PCDHA2: variants seen among roughly 807,000 people sequenced by gnomAD.
The protein encoded by PCDHA2 is protocadherin alpha 2.
Under a neutral mutation model 66.0 loss-of-function variants are expected in PCDHA2, and 58 were observed. The ratio of observed to expected loss-of-function variants is 0.88; its 90% CI spans 0.71 to 1.09. The LOEUF is 1.09. Among genes scored for constraint, PCDHA2 ranks in the 50% least tolerant of loss-of-function variants. PCDHA2 has a pLI of 0.00. For synonymous variants in PCDHA2, 634 were observed against 554.0 expected (o/e 1.14, Z -2.03); for missense variants, 1,267 against 1,242.3 (o/e 1.02, Z -0.30).
intron 1 of PCDHA2, chr5:140,805,037 A>T: frequency 1.3e-6 from 2 of 1,585,878 alleles, no homozygotes; most frequent in Non-Finnish European, 1.7e-6. Context: ...TAATAGAGTC[A>T]GCCAAAGTAC....
At chr5:140,860,913 A>G (rs1423371903) in intron 1 of PCDHA2, 5 of 152,086 alleles carry the variant, frequency 3.3e-5, no homozygotes, top group African/African-American at 9.7e-5. Flanking sequence ...AATTTTTTGT[A>G]TTTTTAGTAG....
rs1261636098 is a variant in PCDHA2, at chr5:140,968,913, C to G, written c.2389-10036C>G. 6.8e-6 allele frequency: 11 copies of G among 1,614,036 alleles called. No homozygotes were observed. Among genetic ancestry groups the G allele is most frequent in the Non-Finnish European group, 8.5e-6 (10 of 1,180,044 alleles). On this transcript the variant is annotated intron_variant, in intron 1 of 3. Transcript: ENST00000526136. ...CTAATAATAGCATTAAGCACAGTGT[C>G]TTTTATATTTCTTTTGACAATCATC...
At chr5:140,841,400 G>C (rs1777194245) in intron 1 of PCDHA2, 1 of 1,613,096 alleles carries the variant, frequency 6.2e-7, no homozygotes, top group Admixed American at 1.7e-5. Context: ...CTGGAAGGTG[G>C]GGAGCGGCCA....
intron 1 of PCDHA2, among the ~76,000 whole-genome samples, chr5:140,821,121 T>A (rs944818649): frequency 6.6e-6 from 1 of 152,124 alleles, no homozygotes; most frequent in Admixed American, 6.5e-5. Context: ...ACAGTGAAAT[T>A]GGAATAAAAA....
intron 1 of PCDHA2, among the ~76,000 whole-genome samples, chr5:140,855,023 G>C (rs115040572): frequency 0.046 from 6,867 of 149,598 alleles, 637 homozygotes; most frequent in Middle Eastern, 0.088. Context: ...GAAACTTCTT[G>C]TATAAAGGAT....
At chr5:140,857,246 T>C in intron 1 of PCDHA2, 1 of 1,598,642 alleles carries the variant, frequency 6.3e-7, no homozygotes, top group Non-Finnish European at 8.6e-7. Context: ...GGTGTCCACC[T>C]ACAAGAATTA....
chr5:140,805,582 C>A, intron 1 of PCDHA2: 1 of 941,436 alleles, frequency 1.1e-6, no homozygotes, highest in Non-Finnish European at 1.3e-6. Context: ...AAATGGCTAC[C>A]ATTATGTCTT....
intron 3 of PCDHA2, among the ~76,000 whole-genome samples, chr5:141,003,622 A>G (rs1554259173): frequency 6.6e-6 from 1 of 152,196 alleles, no homozygotes; most frequent in Non-Finnish European, 1.5e-5. Context: ...CCCAGAGGGC[A>G]GTTTTTAAAG....
chr5:140,915,328 A>G (rs1554196854), intron 1 of PCDHA2, among the ~76,000 whole-genome samples: 1 of 152,100 alleles, frequency 6.6e-6, no homozygotes. Context: ...CAGTGTTATA[A>G]TATTCTGTGT....
intron 3 of PCDHA2, among the ~76,000 whole-genome samples, chr5:140,991,200 A>C (rs2097437692): frequency 6.6e-6 from 1 of 152,234 alleles, no homozygotes; most frequent in Admixed American, 6.5e-5. Context: ...AATGATGCTC[A>C]ATAAATTTTG....
intron 1 of PCDHA2, among the ~76,000 whole-genome samples, chr5:140,951,337 G>C (rs1346350844): frequency 6.6e-6 from 1 of 151,970 alleles, no homozygotes; most frequent in Non-Finnish European, 1.5e-5. Context: ...CATTCTGTTT[G>C]TGTTAGTCCA....
At chr5:140,839,929 A>G (rs1196921808) in intron 1 of PCDHA2, among the ~76,000 whole-genome samples, 3 of 152,064 alleles carry the variant, frequency 2.0e-5, no homozygotes, top group Non-Finnish European at 2.9e-5. Context: ...TTGAACAAAG[A>G]GTGTGCCAAG....
At chr5:140,970,758 A>T (rs1217450283) in intron 1 of PCDHA2, among the ~76,000 whole-genome samples, 2 of 152,232 alleles carry the variant, frequency 1.3e-5, no homozygotes, top group East Asian at 3.8e-4. Flanking sequence ...ATTTTCATTG[A>T]CATATTGCTG....
intron 1 of PCDHA2, chr5:140,882,497 G>A (rs1554174299): frequency 6.2e-7 from 1 of 1,614,140 alleles, no homozygotes; most frequent in South Asian, 1.1e-5. Context: ...CCTTCTGGAG[G>A]TAAATCTGCA....
At chr5:140,833,425 G>A (rs2150208347) in intron 1 of PCDHA2, among the ~76,000 whole-genome samples, 8,936 of 152,186 alleles carry the variant, frequency 0.059, 863 homozygotes, top group African/African-American at 0.2. Flanking sequence ...TATGTGAGAT[G>A]GCTGAGCACT....
At chr5:140,841,784 G>C in intron 1 of PCDHA2, 4 of 1,613,930 alleles carry the variant, frequency 2.5e-6, no homozygotes, top group African/African-American at 1.3e-5. Flanking sequence ...GTTTCCGCTA[G>C]AGGGCGCGTC....
At chr5:140,834,720 C>G in intron 1 of PCDHA2, 1 of 1,614,234 alleles carries the variant, frequency 6.2e-7, no homozygotes, top group Non-Finnish European at 8.5e-7. Context: ...CGTGGAAAGG[C>G]CGCTGCAGGT....
chr5:140,882,558 G>T (rs782792864), intron 1 of PCDHA2: 16 of 1,614,130 alleles, frequency 9.9e-6, no homozygotes, highest in Non-Finnish European at 1.1e-5. Flanking sequence ...GAGCTGTGTG[G>T]GCGGAGCGCG....
chr5:140,801,233 G>C (rs782589053), intron 1 of PCDHA2: 1 of 1,612,774 alleles, frequency 6.2e-7, no homozygotes, highest in African/African-American at 1.3e-5. Context: ...CTGGAGCCCA[G>C]TGCCTGCTGC....
Sources: gnomAD v4.1 joint callset for allele counts (sites outside exome capture counted in the v4.1 genomes callset) on GRCh38, gnomAD v4.1.1 for gene constraint, MANE v1.5 for transcripts, NCBI Gene and HGNC (gene_info 2026-07-23, HGNC 2026-07-21) for gene names.